Variants in NEDD4L observed in about 807,000 individuals in gnomAD.
The protein encoded by NEDD4L is NEDD4 like E3 ubiquitin protein ligase, also known as E3 ubiquitin-protein ligase NEDD4-like.
NEDD4L carries 54 observed loss-of-function variants against 148.9 expected under a neutral mutation model. The ratio of observed to expected loss-of-function variants is 0.36; its 90% CI spans 0.29 to 0.45. The LOEUF is 0.45. NEDD4L is among the 20% of genes least tolerant of loss of function. NEDD4L has a pLI of 1.00. For missense variants in NEDD4L, 856 were observed against 1,233.8 expected, an observed-to-expected ratio of 0.69 and a Z score of 4.59; for synonymous variants, 433 against 440.7, an observed-to-expected ratio of 0.98 and a Z score of 0.22.
chr18:58,322,274 T>C, intron 6 of NEDD4L, 151 bp from the exon 7 acceptor site: 1 of 662,896 alleles, frequency 1.5e-6, no homozygotes, highest in Non-Finnish European at 2.7e-6. Context: ...GTAGATCAGT[T>C]CCGTGGACTG....
chr18:58,107,562 A>C (rs993170786), intron 1 of NEDD4L, among the ~76,000 whole-genome samples: 1 of 152,174 alleles, frequency 6.6e-6, no homozygotes, highest in Non-Finnish European at 1.5e-5. Context: ...TACAAAAATT[A>C]CAAAATATCA....
At chr18:58,099,951 A>G (rs2084651911) in intron 1 of NEDD4L, among the ~76,000 whole-genome samples, 1 of 151,738 alleles carries the variant, frequency 6.6e-6, no homozygotes, top group African/African-American at 2.4e-5. Context: ...GAGATAGCTA[A>G]TAATCAAAGT....
chr18:58,149,657 A>G (rs937843909), intron 1 of NEDD4L: 26 of 789,842 alleles, frequency 3.3e-5, no homozygotes, highest in South Asian at 5.9e-5. Context: ...TGATTGTGTT[A>G]TATGACCTCA....
intron 2 of NEDD4L, among the ~76,000 whole-genome samples, chr18:58,242,741 A>G (rs545710231): frequency 3.9e-5 from 6 of 152,204 alleles, no homozygotes; most frequent in African/African-American, 1.4e-4. Context: ...CCCGGGCTCA[A>G]GCGATCTGCC....
chr18:58,089,920 A>C (rs1285714461), intron 1 of NEDD4L, among the ~76,000 whole-genome samples: 1 of 150,560 alleles, frequency 6.6e-6, no homozygotes, highest in Non-Finnish European at 1.5e-5. Context: ...GCTCACTGCA[A>C]CCTCCATCTC....
chr18:58,160,745 T>C (rs2036098194), intron 1 of NEDD4L, among the ~76,000 whole-genome samples: 1 of 152,264 alleles, frequency 6.6e-6, no homozygotes, highest in African/African-American at 2.4e-5. Context: ...GTTGCTTATC[T>C]GTGTTTAAGC....
At chr18:58,304,346 C>CAAAA (rs147670637) in intron 5 of NEDD4L, among the ~76,000 whole-genome samples, 1 of 64,324 alleles carries the variant, frequency 1.6e-5, no homozygotes. Flanking sequence ...CCTGTCTCTA[C>CAAAA]AAAAAAAAAA....
intron 2 of NEDD4L, among the ~76,000 whole-genome samples, chr18:58,186,053 G>A (rs958315344): frequency 2.0e-5 from 3 of 151,046 alleles, no homozygotes; most frequent in African/African-American, 4.9e-5. Flanking sequence ...ATGCACACGC[G>A]CACAGAGAAG....
At chr18:58,298,867 T>C (rs2056069726) in intron 5 of NEDD4L, among the ~76,000 whole-genome samples, 1 of 152,200 alleles carries the variant, frequency 6.6e-6, no homozygotes, top group South Asian at 2.1e-4. Context: ...AAAAGCAAAA[T>C]TAAATAAATA....
chr18:58,114,287 G>A lies in NEDD4L; in HGVS notation c.49-51501G>A, dbSNP rs2085620219. On this transcript the variant is annotated intron_variant, in intron 1 of 30. Coordinates refer to ENST00000400345, the MANE Select transcript of NEDD4L (RefSeq NM_001144967.3). Reference sequence around the variant, plus strand: ...GCTTCTAGTGACAGTTTTGCTGTTGGGCAGCATTTGTAGGGTAAAGGTGTT... The same window carrying A: ...GCTTCTAGTGACAGTTTTGCTGTTGAGCAGCATTTGTAGGGTAAAGGTGTT... Among the ~76,000 whole-genome samples the A allele has an allele frequency of 2.0e-5, 3 of 152,104 alleles. 1 individual carries two copies. The South Asian group carries it at 6.2e-4, about 32-fold the overall frequency.
At chr18:58,105,212 G>T (rs933213822) in intron 1 of NEDD4L, among the ~76,000 whole-genome samples, 1 of 152,172 alleles carries the variant, frequency 6.6e-6, no homozygotes, top group African/African-American at 2.4e-5. Flanking sequence ...CAAGGAGAGC[G>T]CTAGGACTGA....
Position 58,214,815 on chromosome 18 carries a change from T to TA in NEDD4L, c.123-30612_123-30611insA, listed in dbSNP as rs1555740338. Among the ~76,000 whole-genome samples, 33 of 127,164 alleles carry TA rather than the reference T, an allele frequency of 2.6e-4. No homozygotes were observed. The East Asian group carries it at 2.7e-3, about 10-fold the overall frequency. 83.4% of individuals were successfully genotyped at this position (127,164 alleles called of 152,430 possible). A position where few individuals can be genotyped will look rare whatever the true frequency, so the allele number is the denominator to read the frequency against. ...TCTTTCTTTCATTTTTTTTTTTTTTTTTGTTGTTGTTGTTGAGACAGAGTC... is the reference window on the plus strand; with the variant it reads ...TCTTTCTTTCATTTTTTTTTTTTTTTATTGTTGTTGTTGTTGAGACAGAGTC... On this transcript the variant is annotated intron_variant, in intron 2 of 30. Coordinates refer to ENST00000400345, the MANE Select transcript of NEDD4L (RefSeq NM_001144967.3).
At chr18:58,306,574 G>A (rs2057086857) in intron 5 of NEDD4L, among the ~76,000 whole-genome samples, 1 of 151,552 alleles carries the variant, frequency 6.6e-6, no homozygotes, top group African/African-American at 2.4e-5. Context: ...GACTGCCTGG[G>A]TTCATGTTTG....
intron 2 of NEDD4L, among the ~76,000 whole-genome samples, chr18:58,182,566 T>C (rs961936755): frequency 1.4e-5 from 2 of 140,164 alleles, no homozygotes; most frequent in Non-Finnish European, 3.0e-5. Flanking sequence ...CAGGCTGGAG[T>C]GCAGAGGCGC....
At chr18:58,057,639 GA>G (rs1265172995) in intron 1 of NEDD4L, among the ~76,000 whole-genome samples, 20 of 152,148 alleles carry the variant, frequency 1.3e-4, no homozygotes, top group Non-Finnish European at 2.9e-4. Flanking sequence ...GCCTTACTGA[GA>G]ATGTCTTTGG....
At chr18:58,119,222 C>T (rs2086064593) in intron 1 of NEDD4L, among the ~76,000 whole-genome samples, 1 of 152,154 alleles carries the variant, frequency 6.6e-6, no homozygotes, top group South Asian at 2.1e-4. Flanking sequence ...TCCAGTCATT[C>T]TCATGGGCCA....
At chr18:58,326,368 A>G (rs2144495039) in intron 9 of NEDD4L, among the ~76,000 whole-genome samples, 1 of 152,376 alleles carries the variant, frequency 6.6e-6, no homozygotes, top group East Asian at 1.9e-4. Context: ...CAGCAAAAAT[A>G]TCAGATCAGC....
intron 24 of NEDD4L, among the ~76,000 whole-genome samples, chr18:58,381,843 G>A (rs2082395811): frequency 1.3e-5 from 2 of 152,166 alleles, no homozygotes; most frequent in African/African-American, 4.8e-5. Flanking sequence ...CCACCCCCAA[G>A]TGGAAGCTGT....
chr18:58,075,234 C>T (rs1023092602), intron 1 of NEDD4L, among the ~76,000 whole-genome samples: 6 of 152,114 alleles, frequency 3.9e-5, no homozygotes, highest in East Asian at 3.9e-4. Flanking sequence ...CTGTCGCCTT[C>T]GCCTCCTGGA....
Sources: gnomAD v4.1 joint callset for allele counts (sites outside exome capture counted in the v4.1 genomes callset) on GRCh38, gnomAD v4.1.1 for gene constraint, MANE v1.5 for transcripts, NCBI Gene and HGNC (gene_info 2026-07-23, HGNC 2026-07-21) for gene names.